POU2F2: variants seen among roughly 807,000 people sequenced by gnomAD.
POU2F2 encodes POU class 2 homeobox 2.
In POU2F2, 14 loss-of-function variants were observed where a neutral mutation model predicts 63.5. The observed-to-expected ratio is 0.22, with a 90% CI of 0.15 to 0.34. The LOEUF is 0.34. POU2F2 is among the 10% of genes least tolerant of loss of function. The pLI, the probability that POU2F2 is intolerant of heterozygous loss-of-function variation, is 1.00. For missense variants in POU2F2, 607 were observed against 815.2 expected, an observed-to-expected ratio of 0.74 and a Z score of 3.11; for synonymous variants, 306 against 348.6, an observed-to-expected ratio of 0.88 and a Z score of 1.36.
chr19:42,187,536 C>T (rs1407692994), intron 1 of POU2F2, among the ~76,000 whole-genome samples: 3 of 150,304 alleles, frequency 2.0e-5, no homozygotes, highest in Admixed American at 6.6e-5. Flanking sequence ...CCAAGGCAGG[C>T]AGATCACCTG....
At chr19:42,093,484 A>G (rs933600200) in intron 12 of POU2F2, 1 of 235,546 alleles carries the variant, frequency 4.2e-6, no homozygotes, top group African/African-American at 2.2e-5. Flanking sequence ...TATGTTTTAC[A>G]CATTCATAAT....
chr19:42,143,382 C>T (rs1016379227), intron 2 of POU2F2, among the ~76,000 whole-genome samples: 1 of 152,188 alleles, frequency 6.6e-6, no homozygotes, highest in Non-Finnish European at 1.5e-5. Flanking sequence ...TTAAACTGTA[C>T]ATTAACGTCT....
intron 1 of POU2F2, among the ~76,000 whole-genome samples, chr19:42,186,030 T>A (rs2035008549): frequency 6.6e-6 from 1 of 152,018 alleles, no homozygotes; most frequent in Non-Finnish European, 1.5e-5. Flanking sequence ...GCTGGGACTA[T>A]AGGTGCGCAC....
chr19:42,093,973 C>T, intron 11 of POU2F2, 78 bp from the exon 12 acceptor site: 1 of 1,287,112 alleles, frequency 7.8e-7, no homozygotes, highest in Admixed American at 1.9e-5. Flanking sequence ...GGACCCCACT[C>T]CTCCGTCCCA....
intron 5 of POU2F2, among the ~76,000 whole-genome samples, chr19:42,111,267 G>A (rs1268049458): frequency 6.6e-6 from 1 of 151,850 alleles, no homozygotes; most frequent in Non-Finnish European, 1.5e-5. Context: ...CTATGGGCAT[G>A]CATCACCACA....
rs531861329 is a variant in POU2F2 at position 42,120,711 on chromosome 19, G to A, written c.186+1415C>T. On this transcript the variant is annotated intron_variant, in intron 4 of 14. Transcript: ENST00000692977. ...AAAAACATTTATTTAAAAAGCTGTC[G>A]AAAAGCAAGCCAGTTCATGAGTTGG... 4.6e-5 allele frequency among the ~76,000 whole-genome samples: 7 copies of A among 152,230 alleles called. No individual in the cohort carries two copies. The East Asian group carries it at 5.8e-4, about 13-fold the overall frequency.
At chr19:42,103,708 C>G (rs1439359974) in intron 5 of POU2F2, among the ~76,000 whole-genome samples, 1 of 144,384 alleles carries the variant, frequency 6.9e-6, no homozygotes, top group Non-Finnish European at 1.5e-5. Context: ...TCTCGGCTCA[C>G]TGCAAGCTCC....
chr19:42,173,291 C>T (rs1390844817), intron 1 of POU2F2, among the ~76,000 whole-genome samples: 1 of 152,074 alleles, frequency 6.6e-6, no homozygotes, highest in East Asian at 1.9e-4. Flanking sequence ...GAGATGGAAA[C>T]TTCTCCCTTG....
chr19:42,171,417 C>G (rs1405765886), intron 1 of POU2F2, among the ~76,000 whole-genome samples: 1 of 147,396 alleles, frequency 6.8e-6, no homozygotes, highest in African/African-American at 2.6e-5. Context: ...GATGGAATGT[C>G]AGGGGCTGCG....
chr19:42,149,750 G>A (rs1217325126), intron 2 of POU2F2, among the ~76,000 whole-genome samples: 3 of 152,114 alleles, frequency 2.0e-5, no homozygotes, highest in African/African-American at 7.2e-5. Flanking sequence ...GGGCCACAAG[G>A]GCCTCCTGTA....
In POU2F2 at chr19:42,095,171, G is replaced by T; in HGVS notation, c.1197+115C>A. 2 of 1,305,994 alleles carry T rather than the reference G, an allele frequency of 1.5e-6. No individual in the cohort carries two copies. Among genetic ancestry groups the T allele is most frequent in the Non-Finnish European group, 2.1e-6 (2 of 974,680 alleles). 80.9% of individuals were successfully genotyped at this position (1,305,994 alleles called of 1,614,324 possible). On this transcript the variant is annotated intron_variant, in intron 11 of 14. Coordinates refer to ENST00000692977, the MANE Select transcript of POU2F2 (RefSeq NM_001394376.1). The surrounding 1 kb of genome is among the most constrained non-coding windows in gnomAD (Gnocchi z 7.1). ...CATCTACGTGATGGCCTGTCTCCAA[G>T]AGTGACTCTTCTTGTCTCTGTTCTA...
intron 5 of POU2F2, among the ~76,000 whole-genome samples, chr19:42,110,998 T>C (rs1000495908): frequency 6.6e-6 from 1 of 152,218 alleles, no homozygotes; most frequent in Non-Finnish European, 1.5e-5. Context: ...AAATGAGCAT[T>C]TGCTACCATT....
chr19:42,114,765 G>A (rs550725399), intron 5 of POU2F2, among the ~76,000 whole-genome samples: 1 of 152,316 alleles, frequency 6.6e-6, no homozygotes, highest in South Asian at 2.1e-4. Flanking sequence ...TGGGAGCAAA[G>A]AGGCCATCAC....
rs1316513568 is a variant in POU2F2, at chr19:42,089,775, G to T, written c.*1482C>A. ...ATTTTTTTTCTAGTTTAAATTTATT[G>T]TTTGTTTGTTTCTGTTTTTTTGGTT... On this transcript the variant is annotated 3_prime_UTR_variant, in exon 15 of 15. Transcript: ENST00000692977. The T allele has an allele frequency of 6.1e-5, 9 of 148,278 alleles. No homozygotes were observed. Among genetic ancestry groups the T allele is most frequent in the African/African-American group, 2.2e-4 (9 of 40,096 alleles). The allele number at this position is 148,278 out of a possible 1,614,324, so 9.2% of individuals were successfully genotyped here.
At position 42,188,709 on chromosome 19, in the gene POU2F2, G is replaced by C. The variant is rs368204689; in HGVS notation, c.-70+7674C>G. ...AAAGAAAGAAAGTGAAAGAAAGACA[G>C]AGAGAGGGAGGGAGGAAGGGAAGAA... is the stretch of plus-strand genomic sequence containing the variant. On this transcript the variant is annotated intron_variant, in intron 1 of 5. Coordinates refer to the POU2F2 transcript ENST00000532176. Among the ~76,000 whole-genome samples, 449 of 133,064 alleles carry C rather than the reference G, an allele frequency of 3.4e-3. 3 individuals are homozygous for C. The highest frequency in any genetic ancestry group is 0.012 in the African/African-American group (434 of 36,518). The allele number at this position is 133,064 out of a possible 152,430, so 87.3% of individuals were successfully genotyped here. A position where few individuals can be genotyped will look rare whatever the true frequency, so the allele number is the denominator to read the frequency against.
rs1236425370 is a variant in POU2F2, at chr19:42,090,503, AC to A, written c.*753del. 3 of 152,472 alleles carry A rather than the reference AC, an allele frequency of 2.0e-5. No homozygotes were observed. Among genetic ancestry groups the A allele is most frequent in the African/African-American group, 7.2e-5 (3 of 41,380 alleles). The allele number at this position is 152,472 out of a possible 1,614,324, so 9.4% of individuals were successfully genotyped here. A position where few individuals can be genotyped will look rare whatever the true frequency, so the allele number is the denominator to read the frequency against. ...GGGGGAGGGAGGAGGTTAAAGCAAG[AC>A]CCCCTGCCCAGGTGGGGAGAGCTGG... On this transcript the variant is annotated 3_prime_UTR_variant, in exon 15 of 15. Coordinates refer to ENST00000692977, the MANE Select transcript of POU2F2 (RefSeq NM_001394376.1). The surrounding 1 kb of genome is among the most constrained non-coding windows in gnomAD (Gnocchi z 4.4).
chr19:42,164,362 A>T (rs929100257), intron 1 of POU2F2, among the ~76,000 whole-genome samples: 1 of 151,834 alleles, frequency 6.6e-6, no homozygotes, highest in Non-Finnish European at 1.5e-5. Flanking sequence ...AGGCCAAGGC[A>T]GGCGGATCAC....
chr19:42,165,756 C>G (rs1045769653), intron 1 of POU2F2, among the ~76,000 whole-genome samples: 22 of 152,120 alleles, frequency 1.4e-4, no homozygotes. Flanking sequence ...TTATAGGGAA[C>G]TTAGCAAAAG....
upstream of POU2F2, among the ~76,000 whole-genome samples, chr19:42,179,562 G>A (rs1008230598): frequency 2.6e-5 from 4 of 152,038 alleles, no homozygotes; most frequent in African/African-American, 7.2e-5. Flanking sequence ...GGAGGAGGAC[G>A]CAGGCACGCG....
Sources: allele counts gnomAD v4.1 joint callset (sites outside exome capture counted in the v4.1 genomes callset), GRCh38; gene constraint gnomAD v4.1.1; non-coding constraint Gnocchi (gnomAD v3.1); transcripts MANE v1.5; gene names NCBI Gene and HGNC (gene_info 2026-07-23, HGNC 2026-07-21).